The following MCC variants were observed in gnomAD, a reference collection of about 807,000 sequenced individuals.
MCC encodes colorectal mutant cancer protein.
Under a neutral mutation model 116.2 loss-of-function variants are expected in MCC, and 90 were observed. That is an observed-to-expected ratio of 0.77 (90% CI 0.65 to 0.92). The LOEUF is 0.92. MCC is among the 40% of genes least tolerant of loss of function. The pLI, the probability that MCC is intolerant of heterozygous loss-of-function variation, is 0.00. For missense variants in MCC, 1,516 were observed against 1,312.2 expected, an observed-to-expected ratio of 1.16 and a Z score of -2.40; for synonymous variants, 578 against 510.5, an observed-to-expected ratio of 1.13 and a Z score of -1.78.
At chr5:113,438,403 C>G (rs1467473644) in intron 1 of MCC, among the ~76,000 whole-genome samples, 1 of 152,170 alleles carries the variant, frequency 6.6e-6, no homozygotes, top group Admixed American at 6.5e-5. Context: ...TACAGTGTGA[C>G]TCTCGGAAAG....
intron 3 of MCC, among the ~76,000 whole-genome samples, chr5:113,189,963 G>C (rs1474822512): frequency 6.6e-6 from 1 of 152,120 alleles, no homozygotes; most frequent in Non-Finnish European, 1.5e-5. Context: ...TTAGTCCACT[G>C]AGATCCCACT....
intron 8 of MCC, among the ~76,000 whole-genome samples, chr5:113,087,836 TA>T (rs1157988498): frequency 6.6e-6 from 1 of 151,940 alleles, no homozygotes; most frequent in African/African-American, 2.4e-5. Context: ...GGGCAATTTA[TA>T]AAGACTTCAT....
At chr5:113,249,508 T>C (rs1183924354) in intron 3 of MCC, among the ~76,000 whole-genome samples, 1 of 152,254 alleles carries the variant, frequency 6.6e-6, no homozygotes, top group African/African-American at 2.4e-5. Flanking sequence ...ACATATGCCC[T>C]GTACCTATGT....
chr5:113,433,086 GA>G (rs918077100), intron 1 of MCC: 2 of 153,386 alleles, frequency 1.3e-5, no homozygotes, highest in African/African-American at 4.8e-5. Flanking sequence ...TGGGGCACAA[GA>G]TTTCTAGCAC....
chr5:113,401,853 TA>T (rs2150399058), intron 1 of MCC, among the ~76,000 whole-genome samples: 2 of 152,028 alleles, frequency 1.3e-5, no homozygotes, highest in South Asian at 4.1e-4. Context: ...TTAAAATTAT[TA>T]TTACTATTTT....
At chr5:113,447,072 C>T (rs1000676585) in intron 1 of MCC, among the ~76,000 whole-genome samples, 9 of 152,134 alleles carry the variant, frequency 5.9e-5, no homozygotes, top group Middle Eastern at 3.2e-3. Flanking sequence ...TATCTGCACA[C>T]GTGTGGGTTT....
At chr5:113,457,177 C>A (rs933943015) in intron 1 of MCC, among the ~76,000 whole-genome samples, 1 of 152,228 alleles carries the variant, frequency 6.6e-6, no homozygotes, top group African/African-American at 2.4e-5. Flanking sequence ...GGGCTGCCTG[C>A]AGCGCTTGCG....
intron 1 of MCC, among the ~76,000 whole-genome samples, chr5:113,464,002 C>T (rs1450428325): frequency 1.3e-5 from 2 of 152,164 alleles, no homozygotes; most frequent in Admixed American, 6.5e-5. Flanking sequence ...AAAGGGGATG[C>T]GTCCAGAGGC....
chr5:113,307,823 C>T (rs1767025123), intron 3 of MCC, among the ~76,000 whole-genome samples: 1 of 152,024 alleles, frequency 6.6e-6, no homozygotes, highest in African/African-American at 2.4e-5. Context: ...AATTTTTATC[C>T]CTGACCACTT....
At chr5:113,369,509 T>C (rs963954139) in intron 2 of MCC, among the ~76,000 whole-genome samples, 4 of 152,234 alleles carry the variant, frequency 2.6e-5, no homozygotes, top group Non-Finnish European at 5.9e-5. Flanking sequence ...TCAGAGTATA[T>C]TAATGGTAGA....
chr5:113,299,566 T>C (rs1239431061), intron 3 of MCC, among the ~76,000 whole-genome samples: 2 of 152,192 alleles, frequency 1.3e-5, no homozygotes, highest in South Asian at 4.1e-4. Context: ...CAACTCGTCA[T>C]GTCTTCTCAA....
chr5:113,254,801 C>T (rs925881741), intron 3 of MCC, among the ~76,000 whole-genome samples: 7 of 152,224 alleles, frequency 4.6e-5, no homozygotes, highest in African/African-American at 1.4e-4. Context: ...TTTTCCCAAT[C>T]TAAGAGTGTG....
chr5:113,116,853 G>C (rs545671021), intron 6 of MCC, among the ~76,000 whole-genome samples: 1 of 152,224 alleles, frequency 6.6e-6, no homozygotes, highest in South Asian at 2.1e-4. Context: ...TCACCCCAGA[G>C]AGTGCTCCAG....
chr5:113,407,415 A>G (rs1480946845), intron 1 of MCC, among the ~76,000 whole-genome samples: 2 of 152,122 alleles, frequency 1.3e-5, no homozygotes, highest in Non-Finnish European at 2.9e-5. Context: ...GTATGACTGA[A>G]CCTCTCTCAG....
At chr5:113,403,788 G>A in intron 1 of MCC, among the ~76,000 whole-genome samples, 1 of 152,196 alleles carries the variant, frequency 6.6e-6, no homozygotes, top group East Asian at 1.9e-4. Flanking sequence ...CCAGTTAGTG[G>A]AGCGGCTCAA....
intron 3 of MCC, among the ~76,000 whole-genome samples, chr5:113,246,657 T>C (rs575772347): frequency 2.0e-5 from 3 of 152,358 alleles, no homozygotes; most frequent in Non-Finnish European, 2.9e-5. Flanking sequence ...AGCTGTCAGC[T>C]TTTTTCTTGA....
At chr5:113,062,921 C>G (rs1753323283) in intron 14 of MCC, among the ~76,000 whole-genome samples, 1 of 152,212 alleles carries the variant, frequency 6.6e-6, no homozygotes, top group African/African-American at 2.4e-5. Context: ...TATTTCTCCT[C>G]TGGCTCTCAA....
chr5:113,387,509 A>G (rs919241630), intron 1 of MCC, among the ~76,000 whole-genome samples: 2 of 152,210 alleles, frequency 1.3e-5, no homozygotes, highest in Admixed American at 1.3e-4. Context: ...ACTTTCTAAA[A>G]TAAGGATTTC....
intron 3 of MCC, among the ~76,000 whole-genome samples, chr5:113,201,175 C>T (rs775971735): frequency 6.6e-6 from 1 of 152,028 alleles, no homozygotes; most frequent in East Asian, 1.9e-4. Flanking sequence ...CACCTGAGGT[C>T]GGGAATTTGG....
Sources: gnomAD v4.1 joint callset for allele counts (sites outside exome capture counted in the v4.1 genomes callset) on GRCh38, gnomAD v4.1.1 for gene constraint, MANE v1.5 for transcripts, NCBI Gene and HGNC (gene_info 2026-07-23, HGNC 2026-07-21) for gene names.